Variants in ATAD2B observed in about 807,000 individuals in gnomAD.
ATAD2B encodes ATPase family AAA domain-containing protein 2B.
ATAD2B carries 40 observed loss-of-function variants against 167.6 expected under a neutral mutation model. The ratio of observed to expected loss-of-function variants is 0.24; its 90% CI spans 0.19 to 0.31. The LOEUF is 0.31. Ranked by LOEUF, ATAD2B falls within the 10% of genes least tolerant of loss-of-function variation. The probability of loss-of-function intolerance (pLI) is 1.00; values close to 1 mark genes in which losing one functional copy is unlikely to be tolerated. For synonymous variants in ATAD2B, 579 were observed against 596.5 expected (o/e 0.97, Z 0.43); for missense variants, 1,242 against 1,757.2 (o/e 0.71, Z 5.24).
chr2:23,823,518 G>A lies in ATAD2B; in HGVS notation c.1871C>T (p.Ala624Val). 1 of 1,613,476 alleles carries A rather than the reference G, an allele frequency of 6.2e-7. No homozygotes were observed. Among genetic ancestry groups the A allele is most frequent in the Non-Finnish European group, 8.5e-7 (1 of 1,179,886 alleles). ...KALCTEAALI[A>V]LRRRYPQIYA... ...GATCTGGGGATAACGCCTCCGCAGTGCAATCAGGGCGGCTTCAGTGCACAG... is the reference window on the plus strand; with the variant it reads ...GATCTGGGGATAACGCCTCCGCAGTACAATCAGGGCGGCTTCAGTGCACAG... Residue 624 changes from alanine to valine, a missense_variant, in exon 16 of 28, where the codon GCA (alanine) becomes GTA (valine). By Grantham distance (64) the Ala-to-Val change is moderately conservative. Coordinates refer to ENST00000238789, the MANE Select transcript of ATAD2B (RefSeq NM_017552.4).
intron 1 of ATAD2B, among the ~76,000 whole-genome samples, chr2:23,909,415 TATATATATATACATACATACATAC>T (rs2150515305): frequency 6.6e-6 from 1 of 150,856 alleles, no homozygotes; most frequent in South Asian, 2.1e-4. Flanking sequence ...CCTCCAAATA[TATATATATATACATACATACATAC>T]ATATATATAT....
chr2:23,913,361 C>A (rs913645844), intron 1 of ATAD2B, among the ~76,000 whole-genome samples: 1 of 152,168 alleles, frequency 6.6e-6, no homozygotes, highest in Non-Finnish European at 1.5e-5. Flanking sequence ...GGGGGCCAGG[C>A]GCAGTGGCTC....
chr2:23,854,420 G>A (rs1009934397), intron 13 of ATAD2B, among the ~76,000 whole-genome samples: 5 of 152,048 alleles, frequency 3.3e-5, no homozygotes, highest in African/African-American at 1.2e-4. Flanking sequence ...GCTCATGCCT[G>A]TAAGCCCAAC....
At chr2:23,693,119 C>A in the ATAD2B span, 1 of 928,348 alleles carries the variant, frequency 1.1e-6, no homozygotes, top group Non-Finnish European at 1.6e-6. Context: ...CTCCAGACAC[C>A]CAGGAAGGGG....
At chr2:23,744,172 T>A (rs1341443073), downstream of ATAD2B, among the ~76,000 whole-genome samples, 3 of 151,798 alleles carry the variant, frequency 2.0e-5, no homozygotes, top group Admixed American at 2.0e-4. Flanking sequence ...TGGTGGGAAA[T>A]CAAAAGAAAA....
At chr2:23,708,505 G>A in the ATAD2B span, 1 of 152,184 alleles carries the variant, frequency 6.6e-6, no homozygotes, top group Non-Finnish European at 1.5e-5. Flanking sequence ...GGCTATTTCT[G>A]TGAATGATAT....
the ATAD2B span, among the ~76,000 whole-genome samples, chr2:23,739,977 T>TAA: frequency 1.3e-5 from 2 of 152,160 alleles, no homozygotes; most frequent in South Asian, 4.1e-4. Context: ...CCTCGACACA[T>TAA]ACATCCTCCC....
Position 23,926,668 on chromosome 2 carries a change from T to C in ATAD2B, c.103A>G (p.Ser35Gly), listed in dbSNP as rs1242932030. 4.5e-6 allele frequency: 7 copies of C among 1,557,948 alleles called. No homozygotes were observed. In the African/African-American group the frequency reaches 6.8e-5, roughly 15 times the overall value. ...AGAEPGATGGSSHFISSRTRS... is the reference protein window; with the variant it reads ...AGAEPGATGGGSHFISSRTRS... Reference sequence around the variant, plus strand: ...GTCCGAGAGGAGATGAAATGGCTGCTGCCTCCGGTCGCCCCAGGCTCTGCT... The same window carrying C: ...GTCCGAGAGGAGATGAAATGGCTGCCGCCTCCGGTCGCCCCAGGCTCTGCT... Residue 35 changes from serine (S) to glycine (G), a missense_variant, in exon 1 of 28, where the codon AGC becomes GGC. Coordinates refer to ENST00000238789, the MANE Select transcript of ATAD2B (RefSeq NM_017552.4).
At chr2:23,748,472 G>A (rs1352410108), downstream of ATAD2B, among the ~76,000 whole-genome samples, 1 of 152,082 alleles carries the variant, frequency 6.6e-6, no homozygotes, top group African/African-American at 2.4e-5. Context: ...CTAAAACCAC[G>A]CTTTCTCAAC....
intron 16 of ATAD2B, 121 bp downstream of exon 16, chr2:23,823,137 A>C (rs937272262): frequency 9.0e-5 from 79 of 873,442 alleles, no homozygotes; most frequent in Middle Eastern, 6.9e-4. Flanking sequence ...CCTGGAATAT[A>C]TAGTACTGAA....
In ATAD2B at chr2:23,758,721, G is replaced by T. The variant is rs148804604; in HGVS notation, c.3395-620C>A. 2.4e-4 allele frequency among the ~76,000 whole-genome samples: 36 copies of T among 152,314 alleles called. 3 individuals carry two copies. The East Asian group carries it at 6.9e-3, about 29-fold the overall frequency. ...CTGTTAATCTCTTCTAGCACAAACA[G>T]TTCACCCAGCAGCATCAATTTCTTG... On this transcript the variant is annotated intron_variant, in intron 24 of 27. Coordinates refer to ENST00000238789, the MANE Select transcript of ATAD2B (RefSeq NM_017552.4).
chr2:23,809,747 A>T (rs144581518), intron 18 of ATAD2B, among the ~76,000 whole-genome samples: 3 of 152,308 alleles, frequency 2.0e-5, no homozygotes, highest in Admixed American at 2.0e-4. Flanking sequence ...TAGTTTCAAT[A>T]TGACATAATA....
chr2:23,753,808 A>G (rs1371943349), intron 27 of ATAD2B, among the ~76,000 whole-genome samples: 3 of 152,128 alleles, frequency 2.0e-5, no homozygotes, highest in East Asian at 1.9e-4. Context: ...GGAAGCAGTG[A>G]TAAGGAGTGT....
In ATAD2B at chr2:23,838,932, TTTC is replaced by T. The variant is rs765250264; in HGVS notation, c.1569-4857_1569-4855del. 2.0e-5 allele frequency among the ~76,000 whole-genome samples: 3 copies of T among 152,168 alleles called. No homozygotes were observed. The East Asian group carries it at 5.8e-4, about 29-fold the overall frequency. On this transcript the variant is annotated intron_variant, in intron 13 of 27. Coordinates refer to ENST00000238789, the MANE Select transcript of ATAD2B (RefSeq NM_017552.4). ...TAGAAGAAAAGATAATTGAAAAATATTTCTTTCCATTTATTTAATCTTTAATGT... is the reference window on the plus strand; with the variant it reads ...TAGAAGAAAAGATAATTGAAAAATATTTTCCATTTATTTAATCTTTAATGT...
At chr2:23,915,050 A>G (rs1387891238) in intron 1 of ATAD2B, among the ~76,000 whole-genome samples, 1 of 152,172 alleles carries the variant, frequency 6.6e-6, no homozygotes, top group Admixed American at 6.5e-5. Flanking sequence ...GTAGGAAGCA[A>G]TTTAGGTACC....
At chr2:23,792,141 C>A (rs893089536) in intron 19 of ATAD2B, among the ~76,000 whole-genome samples, 1 of 151,630 alleles carries the variant, frequency 6.6e-6, no homozygotes, top group Middle Eastern at 3.4e-3. Flanking sequence ...CGGCTCACTG[C>A]AAGCTCCGCC....
chr2:23,913,351 G>C (rs545875217), intron 1 of ATAD2B, among the ~76,000 whole-genome samples: 5 of 152,222 alleles, frequency 3.3e-5, no homozygotes, highest in African/African-American at 1.2e-4. Flanking sequence ...AAATTCTAGT[G>C]GGGGCCAGGC....
chr2:23,874,039 T>G (rs1373166686), intron 8 of ATAD2B, among the ~76,000 whole-genome samples: 1 of 151,630 alleles, frequency 6.6e-6, no homozygotes, highest in African/African-American at 2.4e-5. Flanking sequence ...ATACAAAAAT[T>G]AGCCTGGCAT....
At chr2:23,766,654 T>C (rs938542547) in intron 22 of ATAD2B, among the ~76,000 whole-genome samples, 9 of 152,088 alleles carry the variant, frequency 5.9e-5, no homozygotes, top group Non-Finnish European at 2.9e-5. Flanking sequence ...GAACAAAACA[T>C]ACATGATATC....
Sources: allele counts gnomAD v4.1 joint callset (sites outside exome capture counted in the v4.1 genomes callset), GRCh38; gene constraint gnomAD v4.1.1; transcripts MANE v1.5; gene names NCBI Gene and HGNC (gene_info 2026-07-23, HGNC 2026-07-21).